Variants in HIVEP3 observed in about 807,000 individuals in gnomAD.
The protein encoded by HIVEP3 is transcription factor HIVEP3.
HIVEP3 carries 49 observed loss-of-function variants against 152.8 expected under a neutral mutation model. That is an observed-to-expected ratio of 0.32 (90% CI 0.26 to 0.41). The LOEUF (loss-of-function observed/expected upper bound fraction) is 0.41. HIVEP3 is among the 10% of genes least tolerant of loss of function. The pLI is 1.00. For missense variants in HIVEP3, 2,790 were observed against 3,103.3 expected (o/e 0.90, Z 2.40); for synonymous variants, 1,269 against 1,289.0 (o/e 0.98, Z 0.33).
At chr1:42,034,822 T>C (rs1371377268) in intron 1 of HIVEP3, among the ~76,000 whole-genome samples, 1 of 152,108 alleles carries the variant, frequency 6.6e-6, no homozygotes, top group Non-Finnish European at 1.5e-5. Context: ...CTTTCTTGAA[T>C]GAAGAAAACC....
At chr1:41,862,807 A>G (rs979463088) in intron 1 of HIVEP3, among the ~76,000 whole-genome samples, 1 of 152,226 alleles carries the variant, frequency 6.6e-6, no homozygotes, top group African/African-American at 2.4e-5. Context: ...ATCCCTGAAA[A>G]CAAGGGATAT....
At chr1:41,842,944 G>A (rs953613144) in intron 1 of HIVEP3, among the ~76,000 whole-genome samples, 3 of 152,196 alleles carry the variant, frequency 2.0e-5, no homozygotes, top group Non-Finnish European at 4.4e-5. Context: ...CAGAAATGAG[G>A]CTTCAGTGTG....
chr1:41,858,123 A>C (rs1430829286), intron 1 of HIVEP3, among the ~76,000 whole-genome samples: 1 of 152,200 alleles, frequency 6.6e-6, no homozygotes, highest in Admixed American at 6.5e-5. Flanking sequence ...AACATTTACA[A>C]AATAATGGAA....
At position 41,582,732 on chromosome 1, in the gene HIVEP3, T is replaced by C. The variant is rs201481445; in HGVS notation, c.2066A>G (p.Gln689Arg). 3.2e-5 allele frequency: 51 copies of C among 1,614,116 alleles called. No individual in the cohort carries two copies. Among genetic ancestry groups the C allele is most frequent in the Non-Finnish European group, 4.2e-5 (49 of 1,180,044 alleles). ...THTSPEAEKS[Q>R]IEHEPWSQMM... ...TTGGGACCACGGCTCATGCTCAATC[T>C]GACTCTTTTCAGCTTCTGGAGATGT... The change falls in exon 4 of 9, where the codon CAG becomes CGG. Residue 689 changes from glutamine to arginine, a missense_variant. Around this residue, in one of 9 missense-constraint regions of HIVEP3, gnomAD observed 339 missense variants for 327.0 expected, o/e 1.04. Transcript: ENST00000372583. This position sits in a 1 kb window ranked among gnomAD's most constrained non-coding sequence, Gnocchi z 4.7.
At chr1:41,819,292 T>C (rs1185198778) in intron 1 of HIVEP3, among the ~76,000 whole-genome samples, 2 of 152,210 alleles carry the variant, frequency 1.3e-5, no homozygotes, top group Non-Finnish European at 2.9e-5. Flanking sequence ...CAAATCAGTT[T>C]CATTCTCAGT....
intron 1 of HIVEP3, among the ~76,000 whole-genome samples, chr1:41,753,644 G>T (rs1348361416): frequency 2.0e-5 from 3 of 150,256 alleles, no homozygotes; most frequent in Non-Finnish European, 4.4e-5. Context: ...CTCCAGCCTG[G>T]GACACAGGAG....
intron 5 of HIVEP3, among the ~76,000 whole-genome samples, chr1:41,574,441 T>C (rs151196455): frequency 6.6e-6 from 1 of 152,162 alleles, no homozygotes; most frequent in Non-Finnish European, 1.5e-5. Flanking sequence ...CTTCCCATCA[T>C]TGACTACCCT....
rs144147968 is a variant in HIVEP3, at chr1:41,645,882, A to C, written c.-720-16935T>G. On this transcript the variant is annotated intron_variant, in intron 2 of 8. Transcript: ENST00000372583. Reference sequence around the variant, plus strand: ...CCCTGAGCAAGGCATTTCCCTTTCTAGGTCTGTTCCCTCATCTATAAAATA... The same window carrying C: ...CCCTGAGCAAGGCATTTCCCTTTCTCGGTCTGTTCCCTCATCTATAAAATA... Among the ~76,000 whole-genome samples the C allele has an allele frequency of 3.1e-3, 472 of 152,258 alleles. 1 individual carries two copies. Among genetic ancestry groups the C allele is most frequent in the Non-Finnish European group, 5.4e-3 (365 of 68,006 alleles).
rs771141057 is a variant in HIVEP3, at chr1:41,583,780, G to A, written c.1018C>T (p.Pro340Ser). 10 of 1,591,564 alleles carry A rather than the reference G, an allele frequency of 6.3e-6. No individual in the cohort carries two copies. Among genetic ancestry groups the A allele is most frequent in the African/African-American group, 1.3e-5 (1 of 74,344 alleles). ...TGCTCAGATGAGGGTTCCACAAATG[G>A]AGGGGGGTCTTCGAGTGACTGGGCT... ...STAQSLEDPP[P>S]FVEPSSEHPL... The change falls in exon 4 of 9, where the codon CCA (proline) becomes TCA (serine). Residue 340 changes from proline (P) to serine (S), a missense_variant. By Grantham distance (74) the Pro-to-Ser change is moderately conservative (BLOSUM62 -1). This residue lies in a region of HIVEP3 where 125 missense variants were observed against 130.1 expected (regional missense o/e 0.96). Coordinates refer to ENST00000372583, the MANE Select transcript of HIVEP3 (RefSeq NM_024503.5). The surrounding 1 kb of genome is among the most constrained non-coding windows in gnomAD (Gnocchi z 6.9).
intron 1 of HIVEP3, among the ~76,000 whole-genome samples, chr1:41,857,603 G>A (rs543697638): frequency 1.2e-3 from 189 of 152,128 alleles, no homozygotes; most frequent in African/African-American, 4.3e-3. Context: ...GGAACTAGAC[G>A]GGAACTAATA....
chr1:41,558,898 G>C (rs373632912), intron 5 of HIVEP3, among the ~76,000 whole-genome samples: 5 of 152,088 alleles, frequency 3.3e-5, no homozygotes, highest in African/African-American at 1.2e-4. Context: ...GTGCAGCCCT[G>C]TCAGCTGTCA....
chr1:41,653,102 TGTTTA>T (rs1645576607), intron 2 of HIVEP3, among the ~76,000 whole-genome samples: 1 of 152,176 alleles, frequency 6.6e-6, no homozygotes. Flanking sequence ...TTTAAGTCAC[TGTTTA>T]TTCACTTTAA....
At chr1:41,516,438 T>C (rs1268497609) in intron 7 of HIVEP3, among the ~76,000 whole-genome samples, 1 of 152,242 alleles carries the variant, frequency 6.6e-6, no homozygotes, top group African/African-American at 2.4e-5. Context: ...CTTCAGTCTC[T>C]TGGGCCGTAA....
intron 1 of HIVEP3, among the ~76,000 whole-genome samples, chr1:41,927,268 C>T (rs1419745939): frequency 6.6e-6 from 1 of 152,204 alleles, no homozygotes; most frequent in Non-Finnish European, 1.5e-5. Context: ...GCCACCCAAT[C>T]CTGCACTGAG....
upstream of HIVEP3, among the ~76,000 whole-genome samples, chr1:41,922,937 A>G (rs904539754): frequency 3.3e-5 from 5 of 152,226 alleles, no homozygotes. Context: ...CCACATTAAA[A>G]TGAAAATAAG....
intron 1 of HIVEP3, among the ~76,000 whole-genome samples, chr1:41,976,910 CT>C (rs1448351847): frequency 6.6e-6 from 1 of 152,184 alleles, no homozygotes; most frequent in African/African-American, 2.4e-5. Context: ...TTGTGGACAC[CT>C]TGATTTCAGA....
chr1:41,924,778 CT>C (rs1644959641), intron 1 of HIVEP3, among the ~76,000 whole-genome samples: 1 of 152,126 alleles, frequency 6.6e-6, no homozygotes. Context: ...TGTTCCAGAG[CT>C]TTTTCTCACT....
At chr1:41,966,374 T>A (rs1472478791) in intron 1 of HIVEP3, among the ~76,000 whole-genome samples, 2 of 151,686 alleles carry the variant, frequency 1.3e-5, no homozygotes, top group African/African-American at 4.8e-5. Flanking sequence ...AATTCACATA[T>A]AACAATATTA....
intron 1 of HIVEP3, among the ~76,000 whole-genome samples, chr1:41,731,133 C>T (rs191675087): frequency 6.6e-6 from 1 of 152,174 alleles, no homozygotes; most frequent in East Asian, 1.9e-4. Context: ...AAAAGGTGTA[C>T]TGCGTACAGC....
Sources: allele counts gnomAD v4.1 joint callset (sites outside exome capture counted in the v4.1 genomes callset), GRCh38; gene constraint gnomAD v4.1.1; regional missense constraint gnomAD v4.1.1; non-coding constraint Gnocchi (gnomAD v3.1); transcripts MANE v1.5; gene names NCBI Gene and HGNC (gene_info 2026-07-23, HGNC 2026-07-21).